The following SLC24A2 variants were observed in gnomAD, a reference collection of about 807,000 sequenced individuals.
The protein encoded by SLC24A2 is solute carrier family 24 member 2.
In SLC24A2, 36 loss-of-function variants were observed where a neutral mutation model predicts 62.0. The observed-to-expected ratio is 0.58, with a 90% CI of 0.44 to 0.77. SLC24A2 has a LOEUF of 0.77. SLC24A2 is among the 30% of genes least tolerant of loss of function. SLC24A2 has a pLI of 0.00. For synonymous variants in SLC24A2, 358 were observed against 294.0 expected, an observed-to-expected ratio of 1.22 and a Z score of -2.23; for missense variants, 846 against 817.9, an observed-to-expected ratio of 1.03 and a Z score of -0.42.
intron 2 of SLC24A2, among the ~76,000 whole-genome samples, chr9:19,771,184 G>T (rs73646150): frequency 0.079 from 11,957 of 152,226 alleles, 626 homozygotes; most frequent in African/African-American, 0.15. Context: ...TGTCTCCCAG[G>T]GAAACGGAGA....
chr9:20,305,110 C>CTTT, the SLC24A2 span, among the ~76,000 whole-genome samples: 4 of 135,296 alleles, frequency 3.0e-5, no homozygotes. Flanking sequence ...AGGATAATAC[C>CTTT]TTTTTTTTTT....
the SLC24A2 span, chr9:19,957,524 A>C: frequency 6.6e-6 from 1 of 152,268 alleles, no homozygotes; most frequent in Non-Finnish European, 1.5e-5. Flanking sequence ...AGCATAGGTC[A>C]GTTCCACTGG....
At chr9:20,004,133 C>G in the SLC24A2 span, among the ~76,000 whole-genome samples, 2 of 152,036 alleles carry the variant, frequency 1.3e-5, no homozygotes, top group African/African-American at 2.4e-5. Flanking sequence ...AGACACAGAC[C>G]CCTTCTAATG....
chr9:19,772,428 T>A (rs1029684114), intron 2 of SLC24A2, among the ~76,000 whole-genome samples: 4 of 152,158 alleles, frequency 2.6e-5, no homozygotes, highest in Non-Finnish European at 5.9e-5. Context: ...GGAGCACATT[T>A]CTTAAAAGCT....
chr9:19,597,388 T>C (rs1037747347), intron 4 of SLC24A2, 109 bp from the exon 5 acceptor site: 3 of 814,012 alleles, frequency 3.7e-6, no homozygotes, highest in Non-Finnish European at 6.5e-6. Context: ...TGTCAAATTT[T>C]GCAATCGTAA....
the SLC24A2 span, among the ~76,000 whole-genome samples, chr9:19,815,683 G>T: frequency 6.6e-6 from 1 of 152,088 alleles, no homozygotes; most frequent in South Asian, 2.1e-4. Context: ...TTAAATTAAA[G>T]GAGATATAAC....
chr9:20,295,079 C>CACAT, the SLC24A2 span, among the ~76,000 whole-genome samples: 1 of 148,722 alleles, frequency 6.7e-6, no homozygotes, highest in South Asian at 2.1e-4. Context: ...CACACACACA[C>CACAT]ACATACACAG....
the SLC24A2 span, among the ~76,000 whole-genome samples, chr9:19,831,170 G>A: frequency 2.6e-5 from 4 of 152,154 alleles, no homozygotes; most frequent in Non-Finnish European, 4.4e-5. Context: ...TTGCATTGGG[G>A]ATTAAGTTTC....
the SLC24A2 span, among the ~76,000 whole-genome samples, chr9:19,794,560 T>C: frequency 6.6e-6 from 1 of 150,864 alleles, no homozygotes; most frequent in Admixed American, 6.7e-5. Context: ...AACCTGCCTG[T>C]TTACCTCTGG....
intron 2 of SLC24A2, among the ~76,000 whole-genome samples, chr9:19,728,917 A>G (rs1185226815): frequency 6.6e-6 from 1 of 152,206 alleles, no homozygotes; most frequent in Non-Finnish European, 1.5e-5. Context: ...TATGCAAATT[A>G]AAAGCTAAAA....
At chr9:19,834,788 T>C in the SLC24A2 span, among the ~76,000 whole-genome samples, 223 of 151,988 alleles carry the variant, frequency 1.5e-3, 1 homozygote, top group Admixed American at 0.014. Flanking sequence ...TTCACCAAAG[T>C]TGAAATGAAG....
intron 7 of SLC24A2, among the ~76,000 whole-genome samples, chr9:19,568,887 T>C (rs1835755363): frequency 6.6e-6 from 1 of 152,162 alleles, no homozygotes; most frequent in African/African-American, 2.4e-5. Flanking sequence ...TGGAAGTAAG[T>C]AACATGACTA....
At chr9:20,110,243 T>C in the SLC24A2 span, among the ~76,000 whole-genome samples, 464 of 148,998 alleles carry the variant, frequency 3.1e-3, 1 homozygote, top group African/African-American at 0.011. Flanking sequence ...TTATAGAATT[T>C]TTAGTTGCTA....
At chr9:20,164,341 T>A in the SLC24A2 span, among the ~76,000 whole-genome samples, 42 of 152,098 alleles carry the variant, frequency 2.8e-4, no homozygotes, top group South Asian at 1.9e-3. Context: ...CAGACACTTC[T>A]CAAAAGAAGA....
intron 10 of SLC24A2, among the ~76,000 whole-genome samples, chr9:19,517,909 A>AC: frequency 1.1e-5 from 1 of 95,080 alleles, no homozygotes; most frequent in Non-Finnish European, 2.1e-5. Flanking sequence ...ATTCTTATTA[A>AC]AACACACACA....
At chr9:19,560,928 GAGA>G (rs1835365405) in intron 7 of SLC24A2, among the ~76,000 whole-genome samples, 1 of 146,808 alleles carries the variant, frequency 6.8e-6, no homozygotes, top group Non-Finnish European at 1.5e-5. Flanking sequence ...GAGAGAGAGA[GAGA>G]GAGAGAGAGA....
At chr9:20,246,711 C>T in the SLC24A2 span, among the ~76,000 whole-genome samples, 1 of 152,318 alleles carries the variant, frequency 6.6e-6, no homozygotes, top group African/African-American at 2.4e-5. Flanking sequence ...TGACATTTGG[C>T]CTGCCCTGGT....
chr9:19,636,011 C>T (rs1231430883), intron 2 of SLC24A2, among the ~76,000 whole-genome samples: 1 of 152,160 alleles, frequency 6.6e-6, no homozygotes, highest in Admixed American at 6.5e-5. Flanking sequence ...CTTTCGTCCC[C>T]ATGGTTAGTT....
At chr9:20,068,521 G>A in the SLC24A2 span, among the ~76,000 whole-genome samples, 19 of 152,032 alleles carry the variant, frequency 1.2e-4, no homozygotes, top group Middle Eastern at 3.4e-3. Flanking sequence ...TGAAAACCCC[G>A]CCTTAAACAA....
Sources: gnomAD v4.1 joint callset for allele counts (sites outside exome capture counted in the v4.1 genomes callset) on GRCh38, gnomAD v4.1.1 for gene constraint, MANE v1.5 for transcripts, NCBI Gene and HGNC (gene_info 2026-07-23, HGNC 2026-07-21) for gene names.